Variants in FGF13 observed in about 807,000 individuals in gnomAD.
FGF13 encodes the protein fibroblast growth factor homologous factor 2.
FGF13 carries 2 observed loss-of-function variants against 19.5 expected under a neutral mutation model. That is an observed-to-expected ratio of 0.10 (90% CI 0.04 to 0.32). The LOEUF (loss-of-function observed/expected upper bound fraction) is 0.32, where lower values mean the gene tolerates loss of function less well. FGF13 is among the 10% of genes least tolerant of loss of function. The pLI, the probability that FGF13 is intolerant of heterozygous loss-of-function variation, is 1.00. For synonymous variants in FGF13, 72 were observed against 76.9 expected (o/e 0.94, Z 0.33); for missense variants, 113 against 192.7 (o/e 0.59, Z 2.45).
At chrX:139,110,504 C>T (rs1462915993) in intron 1 of FGF13, among the ~76,000 whole-genome samples, 1 of 111,230 alleles carries the variant, frequency 9.0e-6, no homozygotes, top group Non-Finnish European at 1.9e-5. Context: ...CTCCCTCATT[C>T]TCTCTTGCTG....
At chrX:138,869,424 A>G (rs778650993) in intron 1 of FGF13, among the ~76,000 whole-genome samples, 1 of 112,727 alleles carries the variant, frequency 8.9e-6, no homozygotes, top group South Asian at 3.7e-4. Context: ...GAGGAAGTAC[A>G]GGAAGGGATG....
intron 1 of FGF13, among the ~76,000 whole-genome samples, chrX:138,871,689 G>A (rs2091358070): frequency 8.9e-6 from 1 of 111,991 alleles, no homozygotes; most frequent in Non-Finnish European, 1.9e-5. Context: ...GTGAGCCACA[G>A]AGATACCCAG....
chrX:138,918,774 A>G (rs752633890), intron 1 of FGF13, among the ~76,000 whole-genome samples: 6 of 112,021 alleles, frequency 5.4e-5, no homozygotes, highest in Non-Finnish European at 1.1e-4. Context: ...ACAAGTCTTG[A>G]GGAATGTAAT....
chrX:138,840,978 A>G (rs1047777575), intron 3 of FGF13, among the ~76,000 whole-genome samples: 1 of 111,460 alleles, frequency 9.0e-6, no homozygotes. Context: ...AGTTAACAGG[A>G]AAAGTATGCT....
intron 3 of FGF13, among the ~76,000 whole-genome samples, chrX:138,677,037 C>T (rs911784150): frequency 8.9e-6 from 1 of 112,382 alleles, no homozygotes; most frequent in Non-Finnish European, 1.9e-5. Context: ...ATTCGTATTT[C>T]AAACTAGCTC....
At chrX:139,068,897 T>C (rs2092366555) in intron 1 of FGF13, among the ~76,000 whole-genome samples, 1 of 110,651 alleles carries the variant, frequency 9.0e-6, no homozygotes, top group African/African-American at 3.3e-5. Context: ...GAAATGCAAA[T>C]CAAAACCACA....
chrX:139,058,203 G>C (rs929077811), intron 1 of FGF13, among the ~76,000 whole-genome samples: 2 of 111,887 alleles, frequency 1.8e-5, no homozygotes, highest in Admixed American at 9.5e-5. Flanking sequence ...GCTTTGATGT[G>C]ATTTTCTTCC....
chrX:138,952,063 A>G (rs1023612434), intron 1 of FGF13, among the ~76,000 whole-genome samples: 3 of 111,731 alleles, frequency 2.7e-5, no homozygotes, highest in African/African-American at 6.5e-5. Flanking sequence ...TCTTCACAGA[A>G]TTGGAAAAAA....
chrX:139,005,436 C>G (rs1404465427), intron 1 of FGF13, among the ~76,000 whole-genome samples: 1 of 110,402 alleles, frequency 9.1e-6, no homozygotes, highest in Non-Finnish European at 1.9e-5. Flanking sequence ...TTTTGAATAC[C>G]AGGAAAGGCT....
intron 1 of FGF13, among the ~76,000 whole-genome samples, chrX:139,144,571 C>T (rs1180204866): frequency 2.8e-5 from 3 of 108,996 alleles, no homozygotes; most frequent in African/African-American, 1.0e-4. Flanking sequence ...CAGTCTTCCC[C>T]CATCCTTATA....
At chrX:138,806,799 G>A (rs2090871617) in intron 3 of FGF13, 1 of 111,198 alleles carries the variant, frequency 9.0e-6, no homozygotes, top group African/African-American at 3.3e-5. Flanking sequence ...ATCTGGGGAG[G>A]AAAACTAGAT....
chrX:139,159,004 G>C (rs188650866), intron 1 of FGF13, among the ~76,000 whole-genome samples: 9 of 111,533 alleles, frequency 8.1e-5, no homozygotes, highest in Admixed American at 6.7e-4. Context: ...CTCGAGAAGA[G>C]CAACCCCAAG....
chrX:138,837,491 G>A (rs1319180021), intron 3 of FGF13, among the ~76,000 whole-genome samples: 1 of 112,231 alleles, frequency 8.9e-6, no homozygotes, highest in Non-Finnish European at 1.9e-5. Context: ...CTGTGGTATT[G>A]CTTCCACTCC....
At chrX:138,636,556 G>A (rs759910325) in intron 3 of FGF13, among the ~76,000 whole-genome samples, 1 of 112,353 alleles carries the variant, frequency 8.9e-6, no homozygotes, top group East Asian at 2.8e-4. Flanking sequence ...CATTAAAAAT[G>A]ATAATTTCTA....
chrX:138,690,845 A>G (rs771281887), intron 3 of FGF13, among the ~76,000 whole-genome samples: 2 of 111,766 alleles, frequency 1.8e-5, no homozygotes, highest in South Asian at 3.7e-4. Context: ...AGGATGAAAC[A>G]GTTTATGCTG....
At chrX:138,768,684 TTATATATAAGTATATATTATATATA>T (rs1376525240) in intron 3 of FGF13, among the ~76,000 whole-genome samples, 11 of 100,845 alleles carry the variant, frequency 1.1e-4, no homozygotes, top group East Asian at 3.0e-4. Context: ...TATATCATAC[TTATATATAAGTATATATTATATATA>T]TATATATAAG....
At chrX:139,059,921 A>G (rs1337672256) in intron 1 of FGF13, among the ~76,000 whole-genome samples, 1 of 111,851 alleles carries the variant, frequency 8.9e-6, no homozygotes, top group Non-Finnish European at 1.9e-5. Flanking sequence ...GATTATAATA[A>G]GGTGTGCATA....
intron 1 of FGF13, among the ~76,000 whole-genome samples, chrX:139,161,807 T>A (rs778444163): frequency 9.0e-6 from 1 of 111,517 alleles, no homozygotes; most frequent in East Asian, 2.8e-4. Flanking sequence ...TCACAATTGC[T>A]ACAAAGAGAA....
chrX:138,726,218 A>T (rs1316904548), intron 1 of FGF13, among the ~76,000 whole-genome samples: 6 of 111,747 alleles, frequency 5.4e-5, no homozygotes, highest in Non-Finnish European at 5.7e-5. Flanking sequence ...GAAAAAAAAA[A>T]ATCATGCAGC....
Sources: allele counts gnomAD v4.1 joint callset (sites outside exome capture counted in the v4.1 genomes callset), GRCh38; gene constraint gnomAD v4.1.1; transcripts MANE v1.5; gene names NCBI Gene and HGNC (gene_info 2026-07-23, HGNC 2026-07-21).